The following ALPK1 variants were observed in gnomAD, a reference collection of about 807,000 sequenced individuals.
ALPK1 encodes alpha kinase 1.
ALPK1 carries 110 observed loss-of-function variants against 120.6 expected under a neutral mutation model. The ratio of observed to expected loss-of-function variants is 0.91; its 90% CI spans 0.78 to 1.07. The LOEUF is 1.07. Ranked by LOEUF, ALPK1 falls within the 50% of genes least tolerant of loss-of-function variation. ALPK1 has a pLI of 0.00. For synonymous variants in ALPK1, 582 were observed against 560.3 expected (o/e 1.04, Z -0.55); for missense variants, 1,498 against 1,483.9 (o/e 1.01, Z -0.16).
intron 2 of ALPK1, among the ~76,000 whole-genome samples, chr4:112,345,670 C>T (rs551205934): frequency 9.9e-5 from 15 of 152,148 alleles, no homozygotes; most frequent in South Asian, 6.2e-4. Flanking sequence ...TTAAAAATTT[C>T]GAATATGTTG....
rs1279871195 is a variant in ALPK1 at position 112,354,825 on chromosome 4, T to A, written c.-100-22853T>A. ...TTTGCATCATTTAATTATATACTAA[T>A]TTATTAATTATTGACATTTGGTATA... On this transcript the variant is annotated intron_variant, in intron 2 of 15. Coordinates refer to ENST00000650871, the MANE Select transcript of ALPK1 (RefSeq NM_025144.4). Among the ~76,000 whole-genome samples, 4 of 152,220 alleles carry A rather than the reference T, an allele frequency of 2.6e-5. No individual in the cohort carries two copies. The East Asian group carries it at 7.7e-4, about 29-fold the overall frequency.
At chr4:112,396,189 C>T (rs138993860) in intron 4 of ALPK1, among the ~76,000 whole-genome samples, 36 of 152,224 alleles carry the variant, frequency 2.4e-4, no homozygotes, top group African/African-American at 8.4e-4. Context: ...TTTCAGAATA[C>T]CTGTTGCATA....
At chr4:112,334,104 T>C (rs1001430475) in intron 2 of ALPK1, among the ~76,000 whole-genome samples, 4 of 152,156 alleles carry the variant, frequency 2.6e-5, no homozygotes, top group African/African-American at 7.2e-5. Context: ...CTCTAAAGCA[T>C]GCTTTAGATG....
intron 2 of ALPK1, among the ~76,000 whole-genome samples, chr4:112,375,900 A>G (rs1192334003): frequency 1.3e-5 from 2 of 152,032 alleles, no homozygotes; most frequent in Non-Finnish European, 2.9e-5. Flanking sequence ...CTTTCACTTG[A>G]ACACATAGAG....
chr4:112,390,598 G>C (rs1357643241), intron 4 of ALPK1, among the ~76,000 whole-genome samples: 1 of 152,158 alleles, frequency 6.6e-6, no homozygotes, highest in Non-Finnish European at 1.5e-5. Context: ...ATGGATGGAT[G>C]ATGGATGGAT....
chr4:112,327,389 T>G (rs1422374145), intron 2 of ALPK1, among the ~76,000 whole-genome samples: 1 of 152,192 alleles, frequency 6.6e-6, no homozygotes, highest in Non-Finnish European at 1.5e-5. Flanking sequence ...ACTGTTAGGA[T>G]TGTTAGTGCT....
chr4:112,344,956 C>G (rs1730041790), intron 2 of ALPK1, among the ~76,000 whole-genome samples: 1 of 152,224 alleles, frequency 6.6e-6, no homozygotes, highest in Non-Finnish European at 1.5e-5. Flanking sequence ...CACCAGACTA[C>G]TTTTTCGTAT....
At chr4:112,438,754 T>G (rs1353760435) in intron 13 of ALPK1, 108 bp downstream of exon 13, 1 of 1,255,540 alleles carries the variant, frequency 8.0e-7, no homozygotes, top group Middle Eastern at 2.1e-4. Flanking sequence ...TAGCAAACTA[T>G]CCTTGTGTGT....
intron 3 of ALPK1, among the ~76,000 whole-genome samples, chr4:112,378,214 A>G (rs987999762): frequency 1.3e-5 from 2 of 152,262 alleles, no homozygotes; most frequent in African/African-American, 4.8e-5. Flanking sequence ...CAATTATTAA[A>G]AAATTGAAGC....
intron 1 of ALPK1, among the ~76,000 whole-genome samples, chr4:112,313,119 T>C (rs1418546579): frequency 6.6e-6 from 1 of 152,220 alleles, no homozygotes; most frequent in Non-Finnish European, 1.5e-5. Flanking sequence ...ATCTGAAGTT[T>C]AAGGTGAAGT....
intron 5 of ALPK1, among the ~76,000 whole-genome samples, chr4:112,420,017 C>T (rs1171334259): frequency 6.6e-6 from 1 of 152,176 alleles, no homozygotes; most frequent in Non-Finnish European, 1.5e-5. Context: ...ATTCCATCTC[C>T]AGCTCTTAGC....
intron 5 of ALPK1, among the ~76,000 whole-genome samples, chr4:112,419,524 G>T (rs955889279): frequency 4.6e-5 from 7 of 151,684 alleles, no homozygotes; most frequent in Non-Finnish European, 1.0e-4. Flanking sequence ...GGGAAAGAAG[G>T]AGGAAAGGAA....
intron 11 of ALPK1, 105 bp downstream of exon 11, chr4:112,432,686 A>C (rs6841595): frequency 0.66 from 695,351 of 1,056,784 alleles, 229,872 homozygotes; most frequent in African/African-American, 0.73. Context: ...AAGGTATAGA[A>C]CCCTGGTATG....
intron 4 of ALPK1, among the ~76,000 whole-genome samples, chr4:112,404,675 T>C (rs1733085654): frequency 6.6e-6 from 1 of 152,250 alleles, no homozygotes; most frequent in African/African-American, 2.4e-5. Context: ...TTGATTTCTC[T>C]TTCTGTGCAA....
At chr4:112,376,144 A>G (rs1257142910) in intron 2 of ALPK1, among the ~76,000 whole-genome samples, 1 of 152,212 alleles carries the variant, frequency 6.6e-6, no homozygotes, top group Non-Finnish European at 1.5e-5. Flanking sequence ...AGATATAATA[A>G]TAATGAAAAA....
At chr4:112,320,603 T>G (rs58406668) in intron 2 of ALPK1, among the ~76,000 whole-genome samples, 12,848 of 152,238 alleles carry the variant, frequency 0.084, 841 homozygotes, top group Admixed American at 0.21. Context: ...TGGAATAGTT[T>G]CAATAGGATT....
intron 7 of ALPK1, 86 bp from the exon 8 acceptor site, chr4:112,426,381 T>G: frequency 2.0e-6 from 2 of 1,016,652 alleles, no homozygotes; most frequent in Non-Finnish European, 3.0e-6. Flanking sequence ...GTTCTGTATT[T>G]GTTTTCAAAG....
rs748716449 is a variant in ALPK1 at position 112,431,226 on chromosome 4, C to T, written c.1679C>T (p.Ser560Leu). ...GATGTGGAGACTGAGACTGAGCCATCGGACTACAGCAATGGTGAGGGAGCT... is the reference window on the plus strand; with the variant it reads ...GATGTGGAGACTGAGACTGAGCCATTGGACTACAGCAATGGTGAGGGAGCT... Reference protein sequence around the residue: ...DQDVETETEPSDYSNGEGAVF... With the variant: ...DQDVETETEPLDYSNGEGAVF... The change falls in exon 11 of 16, where the codon TCG (serine) becomes TTG (leucine). Residue 560 changes from serine to leucine, a missense_variant. Transcript: ENST00000650871. The T allele has an allele frequency of 6.2e-6, 10 of 1,614,150 alleles. No homozygotes were observed. The highest frequency in any genetic ancestry group is 3.3e-5 in the Admixed American group (2 of 60,024).
chr4:112,323,473 G>A (rs551010943), intron 2 of ALPK1, among the ~76,000 whole-genome samples: 27 of 152,050 alleles, frequency 1.8e-4, no homozygotes, highest in Non-Finnish European at 3.4e-4. Context: ...GCACATAGCA[G>A]GTATCCAGAA....
Sources: allele counts gnomAD v4.1 joint callset (sites outside exome capture counted in the v4.1 genomes callset), GRCh38; gene constraint gnomAD v4.1.1; transcripts MANE v1.5; gene names NCBI Gene and HGNC (gene_info 2026-07-23, HGNC 2026-07-21).